Variants in INPP4B observed in about 807,000 individuals in gnomAD.
INPP4B encodes inositol polyphosphate-4-phosphatase type II B, also known as inositol polyphosphate 4-phosphatase type II.
A neutral mutation model predicts 122.5 loss-of-function variants in INPP4B; 55 were observed. That is an observed-to-expected ratio of 0.45 (90% CI 0.36 to 0.56). INPP4B has a LOEUF of 0.56. Among genes scored for constraint, INPP4B ranks in the 20% least tolerant of loss-of-function variants. The pLI, the probability that INPP4B is intolerant of heterozygous loss-of-function variation, is 0.00. For synonymous variants in INPP4B, 403 were observed against 388.7 expected (o/e 1.04, Z -0.43); for missense variants, 1,000 against 1,097.7 (o/e 0.91, Z 1.26).
chr4:142,301,404 T>C (rs952527376), intron 9 of INPP4B, among the ~76,000 whole-genome samples: 2 of 152,160 alleles, frequency 1.3e-5, no homozygotes, highest in Admixed American at 1.3e-4. Context: ...AAGAAAAAAT[T>C]CCGTTAGATC....
chr4:142,543,421 C>T (rs28610391), intron 2 of INPP4B, among the ~76,000 whole-genome samples: 15,447 of 152,116 alleles, frequency 0.1, 1,283 homozygotes, highest in African/African-American at 0.22. Flanking sequence ...TCCCCTTTAG[C>T]TTAATAATCT....
chr4:142,195,695 T>C (rs912369904), intron 14 of INPP4B, among the ~76,000 whole-genome samples: 5 of 152,154 alleles, frequency 3.3e-5, no homozygotes, highest in Admixed American at 2.6e-4. Context: ...ACATTGCCTG[T>C]AGCCTCTCTA....
In INPP4B at chr4:142,157,690, T is replaced by C. The variant is rs375564217; in HGVS notation, c.1563+2668A>G. ...AAGACTTTTTTCCTGGTGTTAAGAC[T>C]AGAAAATATTCCCAAAAGAATAATG... On this transcript the variant is annotated intron_variant, in intron 17 of 25. Coordinates refer to ENST00000262992, the MANE Select transcript of INPP4B (RefSeq NM_001101669.3). Among the ~76,000 whole-genome samples the C allele has an allele frequency of 7.9e-5, 12 of 152,234 alleles. No individual in the cohort carries two copies. The South Asian group carries it at 1.9e-3, about 24-fold the overall frequency.
At chr4:142,352,174 T>G (rs1050196758) in intron 7 of INPP4B, among the ~76,000 whole-genome samples, 1 of 151,968 alleles carries the variant, frequency 6.6e-6, no homozygotes, top group Non-Finnish European at 1.5e-5. Context: ...AAGACCGCTT[T>G]GTGTTCCTGA....
intron 1 of INPP4B, among the ~76,000 whole-genome samples, chr4:142,818,865 C>T (rs931820704): frequency 3.9e-5 from 6 of 152,144 alleles, no homozygotes; most frequent in Non-Finnish European, 8.8e-5. Flanking sequence ...TACATTTTTA[C>T]CCATAGTGTG....
intron 23 of INPP4B, among the ~76,000 whole-genome samples, chr4:142,098,223 G>A (rs1782843665): frequency 6.6e-6 from 1 of 152,040 alleles, no homozygotes; most frequent in South Asian, 2.1e-4. Context: ...AAGTCAGTGT[G>A]GAGCAGAGTG....
chr4:142,115,357 T>C (rs1792587021), intron 21 of INPP4B, among the ~76,000 whole-genome samples: 1 of 152,030 alleles, frequency 6.6e-6, no homozygotes, highest in Admixed American at 6.6e-5. Context: ...GACACATAAT[T>C]GTCAGATTTA....
chr4:142,490,339 T>C (rs901850165), intron 2 of INPP4B, among the ~76,000 whole-genome samples: 12 of 152,136 alleles, frequency 7.9e-5, no homozygotes, highest in African/African-American at 1.2e-4. Context: ...TCCTCCAGCA[T>C]TGGCCTCCCA....
intron 1 of INPP4B, among the ~76,000 whole-genome samples, chr4:142,760,521 C>T: frequency 6.6e-6 from 1 of 151,942 alleles, no homozygotes; most frequent in East Asian, 1.9e-4. Context: ...GAGATGAAAT[C>T]AATTATGCTG....
At chr4:142,272,379 A>C (rs1746289106) in intron 9 of INPP4B, among the ~76,000 whole-genome samples, 2 of 152,080 alleles carry the variant, frequency 1.3e-5, no homozygotes, top group African/African-American at 4.8e-5. Context: ...TAGCATGTAC[A>C]CAGCTGATTT....
intron 2 of INPP4B, among the ~76,000 whole-genome samples, chr4:142,629,514 GTA>G (rs2150414296): frequency 6.6e-6 from 1 of 152,174 alleles, no homozygotes; most frequent in African/African-American, 2.4e-5. Flanking sequence ...GCATGAGTGT[GTA>G]TGTGTGTGTG....
intron 1 of INPP4B, among the ~76,000 whole-genome samples, chr4:142,801,024 A>G (rs1360242827): frequency 6.6e-6 from 1 of 152,134 alleles, no homozygotes; most frequent in East Asian, 1.9e-4. Context: ...AGGAATTGTC[A>G]AGAGATAAAG....
At chr4:142,597,050 G>A (rs1560845511) in intron 2 of INPP4B, among the ~76,000 whole-genome samples, 1 of 152,138 alleles carries the variant, frequency 6.6e-6, no homozygotes, top group Non-Finnish European at 1.5e-5. Context: ...TGGACTAGAG[G>A]ATTTACATAA....
At chr4:142,441,897 G>A (rs1243699871) in intron 3 of INPP4B, among the ~76,000 whole-genome samples, 3 of 147,934 alleles carry the variant, frequency 2.0e-5, no homozygotes, top group Admixed American at 6.8e-5. Flanking sequence ...GAGAGAGAGA[G>A]AAATAGAATT....
intron 15 of INPP4B, among the ~76,000 whole-genome samples, chr4:142,177,718 C>T (rs1021860151): frequency 6.6e-6 from 1 of 151,904 alleles, no homozygotes; most frequent in Non-Finnish European, 1.5e-5. Context: ...CCCATCCTCA[C>T]GTTTGTGTGT....
intron 8 of INPP4B, among the ~76,000 whole-genome samples, chr4:142,311,295 C>A (rs558224780): frequency 6.6e-6 from 1 of 152,226 alleles, no homozygotes; most frequent in African/African-American, 2.4e-5. Flanking sequence ...TCAATGCATG[C>A]TAAATTGTTC....
At chr4:142,507,133 T>C (rs1824130868) in intron 2 of INPP4B, among the ~76,000 whole-genome samples, 1 of 152,218 alleles carries the variant, frequency 6.6e-6, no homozygotes, top group Non-Finnish European at 1.5e-5. Flanking sequence ...TGTGCTCCTA[T>C]AGCCCTTAAA....
chr4:142,719,830 A>G (rs990264170), intron 2 of INPP4B, among the ~76,000 whole-genome samples: 1 of 152,190 alleles, frequency 6.6e-6, no homozygotes, highest in African/African-American at 2.4e-5. Context: ...GAGATCCATG[A>G]AAGTTTAGAA....
At chr4:142,596,201 CAT>C (rs1422025146) in intron 2 of INPP4B, among the ~76,000 whole-genome samples, 6 of 152,074 alleles carry the variant, frequency 3.9e-5, no homozygotes, top group African/African-American at 7.2e-5. Flanking sequence ...GTCTGCTTGT[CAT>C]ATGATTCTTC....
Sources: allele counts gnomAD v4.1 joint callset (sites outside exome capture counted in the v4.1 genomes callset), GRCh38; gene constraint gnomAD v4.1.1; transcripts MANE v1.5; gene names NCBI Gene and HGNC (gene_info 2026-07-23, HGNC 2026-07-21).